STARD13: variants seen among roughly 807,000 people sequenced by gnomAD.
The protein encoded by STARD13 is StAR related lipid transfer domain containing 13, also known as stAR-related lipid transfer protein 13.
A neutral mutation model predicts 106.4 loss-of-function variants in STARD13; 62 were observed. The observed-to-expected ratio is 0.58, with a 90% CI of 0.48 to 0.72. The LOEUF is 0.72. STARD13 is among the 30% of genes least tolerant of loss of function. The pLI, the probability that STARD13 is intolerant of heterozygous loss-of-function variation, is 0.00. For missense variants in STARD13, 1,387 were observed against 1,424.0 expected (o/e 0.97, Z 0.42); for synonymous variants, 565 against 553.0 (o/e 1.02, Z -0.31).
At chr13:33,419,724 C>T in the STARD13 span, among the ~76,000 whole-genome samples, 1 of 152,166 alleles carries the variant, frequency 6.6e-6, no homozygotes, top group Non-Finnish European at 1.5e-5. Flanking sequence ...CGGGTTACCC[C>T]CAAAGGGAAG....
intron 1 of STARD13, among the ~76,000 whole-genome samples, chr13:33,297,570 T>G (rs1359415705): frequency 1.3e-5 from 2 of 151,260 alleles, no homozygotes; most frequent in East Asian, 3.9e-4. Flanking sequence ...ACCAAAATTG[T>G]GTGGTATAGA....
At chr13:33,465,777 GTCTT>G in the STARD13 span, among the ~76,000 whole-genome samples, 3 of 152,082 alleles carry the variant, frequency 2.0e-5, no homozygotes, top group Non-Finnish European at 4.4e-5. Context: ...GTTACATATT[GTCTT>G]TCTAAGGAAA....
intron 1 of STARD13, among the ~76,000 whole-genome samples, chr13:33,276,999 A>T (rs1254248565): frequency 6.6e-6 from 1 of 151,714 alleles, no homozygotes; most frequent in Non-Finnish European, 1.5e-5. Context: ...GTAATTTTGA[A>T]GTTATTTTCC....
At chr13:33,452,184 C>T in the STARD13 span, among the ~76,000 whole-genome samples, 2 of 151,996 alleles carry the variant, frequency 1.3e-5, no homozygotes, top group Admixed American at 6.6e-5. Flanking sequence ...CCCAGGGGCA[C>T]GAGGTCTGCT....
At chr13:33,492,953 A>G in the STARD13 span, among the ~76,000 whole-genome samples, 4 of 152,178 alleles carry the variant, frequency 2.6e-5, no homozygotes, top group Non-Finnish European at 5.9e-5. Context: ...TTAAACTGCC[A>G]AAGTCACTCA....
chr13:33,289,960 T>C (rs1323143222), upstream of STARD13, among the ~76,000 whole-genome samples: 2 of 151,944 alleles, frequency 1.3e-5, no homozygotes, highest in African/African-American at 2.4e-5. Flanking sequence ...ATGCTGCGTA[T>C]GCCTTGAGTT....
intron 1 of STARD13, among the ~76,000 whole-genome samples, chr13:33,184,805 C>A (rs1885592052): frequency 1.3e-5 from 2 of 152,304 alleles, no homozygotes; most frequent in East Asian, 1.9e-4. Flanking sequence ...AAAATTGGAG[C>A]TATTATTATT....
intron 1 of STARD13, among the ~76,000 whole-genome samples, chr13:33,217,048 T>C (rs1888085149): frequency 6.6e-6 from 1 of 152,144 alleles, no homozygotes; most frequent in Admixed American, 6.5e-5. Context: ...GTAGTGGTCT[T>C]CCTGTGTAGT....
chr13:33,588,870 A>T, the STARD13 span, among the ~76,000 whole-genome samples: 3 of 152,192 alleles, frequency 2.0e-5, no homozygotes, highest in African/African-American at 7.2e-5. Context: ...TCACAGGCTC[A>T]TTCTTTCAAC....
At chr13:33,117,533 TA>T (rs1016867913) in intron 8 of STARD13, 93 of 782,086 alleles carry the variant, frequency 1.2e-4, no homozygotes, top group African/African-American at 4.0e-4. Flanking sequence ...TTAACATTAT[TA>T]AAAAAAATCC....
intron 3 of STARD13, among the ~76,000 whole-genome samples, chr13:33,163,611 T>TATATATATATAAAAAATATATATATAAC (rs1555239825): frequency 2.4e-5 from 2 of 85,004 alleles, no homozygotes; most frequent in African/African-American, 3.5e-5. Context: ...AAAAAATATA[T>TATATATATATAAAAAATATATATATAAC]ATATATATAT....
At chr13:33,465,054 A>G in the STARD13 span, among the ~76,000 whole-genome samples, 1 of 152,140 alleles carries the variant, frequency 6.6e-6, no homozygotes. Flanking sequence ...TGTATTATCA[A>G]GTCCTGTCAA....
At chr13:33,541,086 T>C in the STARD13 span, among the ~76,000 whole-genome samples, 1 of 152,140 alleles carries the variant, frequency 6.6e-6, no homozygotes, top group African/African-American at 2.4e-5. Context: ...TATGTTACTG[T>C]AACTTTATAG....
the STARD13 span, among the ~76,000 whole-genome samples, chr13:33,541,648 C>T: frequency 6.6e-6 from 1 of 152,170 alleles, no homozygotes; most frequent in Non-Finnish European, 1.5e-5. Context: ...GCCTGTATTC[C>T]TTTCCCTCTG....
chr13:33,543,981 G>A, the STARD13 span, among the ~76,000 whole-genome samples: 1 of 152,178 alleles, frequency 6.6e-6, no homozygotes, highest in East Asian at 1.9e-4. Context: ...CCAGTAGAGA[G>A]CTACATAAAT....
the STARD13 span, among the ~76,000 whole-genome samples, chr13:33,404,663 A>G: frequency 1.1e-4 from 16 of 152,200 alleles, no homozygotes; most frequent in Admixed American, 1.0e-3. Flanking sequence ...ATTTTGTGAA[A>G]TGACAAGGAA....
chr13:33,375,289 G>A, the STARD13 span, among the ~76,000 whole-genome samples: 3 of 152,152 alleles, frequency 2.0e-5, no homozygotes, highest in African/African-American at 7.2e-5. Context: ...GACTAAGTGA[G>A]GGGACAGTGC....
the STARD13 span, among the ~76,000 whole-genome samples, chr13:33,479,030 G>A: frequency 1.3e-5 from 2 of 152,030 alleles, no homozygotes; most frequent in Non-Finnish European, 2.9e-5. Flanking sequence ...TTTATAAGTA[G>A]GGAAAAAATC....
In STARD13 at chr13:33,106,862, C is replaced by G. The variant is rs780935209; in HGVS notation, c.3120G>C (p.Gln1040His). 5.0e-6 allele frequency: 8 copies of G among 1,614,104 alleles called. No homozygotes were observed. In the East Asian group the frequency reaches 1.3e-4, roughly 27 times the overall value. ...VSLSVEHEEA[Q>H]LLGGVRAVVM... is the part of the protein sequence containing the mutation. ...CCACTGCTCGCACACCACCCAGGAG[C>G]TGGGCTTCCTCATGCTCCACGGAGA... Residue 1040 changes from glutamine (Q) to histidine (H), a missense_variant, in exon 13 of 14, where the codon CAG (glutamine) becomes CAC (histidine). By Grantham distance (24) the Gln-to-His change is conservative. Coordinates refer to ENST00000336934, the MANE Select transcript of STARD13 (RefSeq NM_178006.4).
Sources: allele counts gnomAD v4.1 joint callset (sites outside exome capture counted in the v4.1 genomes callset), GRCh38; gene constraint gnomAD v4.1.1; transcripts MANE v1.5; gene names NCBI Gene and HGNC (gene_info 2026-07-23, HGNC 2026-07-21).